DGKB: variants seen among roughly 807,000 people sequenced by gnomAD.
DGKB encodes diacylglycerol kinase beta, also known as 90 kDa diacylglycerol kinase.
A neutral mutation model predicts 114.3 loss-of-function variants in DGKB; 67 were observed. The observed-to-expected ratio is 0.59, with a 90% CI of 0.48 to 0.72. The LOEUF is 0.72. DGKB is among the 30% of genes least tolerant of loss of function. DGKB has a pLI of 0.00. For missense variants in DGKB, 907 were observed against 975.2 expected (o/e 0.93, Z 0.93); for synonymous variants, 398 against 323.1 (o/e 1.23, Z -2.49).
intron 23 of DGKB, among the ~76,000 whole-genome samples, chr7:14,307,105 G>A (rs1388535995): frequency 7.9e-6 from 1 of 125,932 alleles, no homozygotes; most frequent in Non-Finnish European, 1.8e-5. Flanking sequence ...ATTTCTATTT[G>A]AATCTACCAC....
intron 21 of DGKB, among the ~76,000 whole-genome samples, chr7:14,349,976 G>A (rs947864628): frequency 6.6e-6 from 1 of 152,008 alleles, no homozygotes; most frequent in African/African-American, 2.4e-5. Context: ...AGTAACAAAG[G>A]TTCTGTAAAC....
chr7:14,261,349 A>G (rs955674285), intron 23 of DGKB, among the ~76,000 whole-genome samples: 2 of 152,082 alleles, frequency 1.3e-5, no homozygotes, highest in African/African-American at 4.8e-5. Flanking sequence ...TTAATAATGT[A>G]TAGGTGGCCT....
At chr7:14,528,552 T>C (rs1791018570) in intron 20 of DGKB, among the ~76,000 whole-genome samples, 1 of 152,074 alleles carries the variant, frequency 6.6e-6, no homozygotes, top group Admixed American at 6.6e-5. Flanking sequence ...ACATAGTAAC[T>C]TGCAGCAGAA....
At chr7:14,466,279 C>T (rs975966449) in intron 21 of DGKB, among the ~76,000 whole-genome samples, 1 of 152,112 alleles carries the variant, frequency 6.6e-6, no homozygotes, top group Non-Finnish European at 1.5e-5. Flanking sequence ...AACATTAAGG[C>T]CAGGTGTGGT....
At chr7:14,919,789 G>A (rs544669533) in intron 1 of DGKB, among the ~76,000 whole-genome samples, 1 of 152,158 alleles carries the variant, frequency 6.6e-6, no homozygotes, top group Non-Finnish European at 1.5e-5. Flanking sequence ...CCTTCATGAT[G>A]AGTGAGTTCT....
chr7:14,770,460 A>G (rs1403715435), intron 2 of DGKB, among the ~76,000 whole-genome samples: 1 of 152,148 alleles, frequency 6.6e-6, no homozygotes, highest in African/African-American at 2.4e-5. Flanking sequence ...GGAGCAGTCC[A>G]GGGAGAGCAT....
chr7:14,238,632 G>GAC (rs1793181984), intron 23 of DGKB, among the ~76,000 whole-genome samples: 1 of 151,798 alleles, frequency 6.6e-6, no homozygotes, highest in African/African-American at 2.4e-5. Flanking sequence ...AATGGTACAG[G>GAC]ACAGAGGGTT....
In DGKB at chr7:14,149,017, C is replaced by T. The variant is rs965797272; in HGVS notation, c.*114G>A. 1.1e-6 allele frequency: 1 copy of T among 916,566 alleles called. No individual in the cohort carries two copies. Among genetic ancestry groups the T allele is most frequent in the African/African-American group, 1.7e-5 (1 of 60,220 alleles). The allele number at this position is 916,566 out of a possible 1,614,324, so 56.8% of individuals were successfully genotyped here. On this transcript the variant is annotated 3_prime_UTR_variant, in exon 26 of 26. Coordinates refer to ENST00000402815, the MANE Select transcript of DGKB (RefSeq NM_001350709.2). ...AGCTTAGTAACAAAAACTGTTAAACCACTTCCATGATTTTGCATGAGCAGG... is the reference window on the plus strand; with the variant it reads ...AGCTTAGTAACAAAAACTGTTAAACTACTTCCATGATTTTGCATGAGCAGG...
chr7:14,922,380 G>GTGTGTGTA (rs1784548504), intron 1 of DGKB, among the ~76,000 whole-genome samples: 2 of 87,004 alleles, frequency 2.3e-5, no homozygotes, highest in Admixed American at 1.3e-4. Flanking sequence ...TCCATCGTGT[G>GTGTGTGTA]TGTGTGTGTG....
intron 21 of DGKB, among the ~76,000 whole-genome samples, chr7:14,425,617 G>A (rs879812250): frequency 6.6e-6 from 1 of 152,118 alleles, no homozygotes; most frequent in Non-Finnish European, 1.5e-5. Context: ...GACATAAAGT[G>A]ACTGAAATAG....
intron 21 of DGKB, among the ~76,000 whole-genome samples, chr7:14,463,934 T>C (rs1833455027): frequency 6.6e-6 from 1 of 152,084 alleles, no homozygotes; most frequent in African/African-American, 2.4e-5. Context: ...ACACGTTAGG[T>C]TTACAACTGT....
At chr7:14,799,766 T>A (rs566049782) in intron 2 of DGKB, among the ~76,000 whole-genome samples, 1 of 152,284 alleles carries the variant, frequency 6.6e-6, no homozygotes, top group Non-Finnish European at 1.5e-5. Flanking sequence ...TTGCAGCAAG[T>A]ACAGGCTGCT....
chr7:14,927,830 C>T (rs1007921951), intron 1 of DGKB, among the ~76,000 whole-genome samples: 1 of 151,748 alleles, frequency 6.6e-6, no homozygotes, highest in Non-Finnish European at 1.5e-5. Context: ...TTTGCATCTT[C>T]TTTTTTCCTA....
At chr7:14,166,300 T>C (rs1446610638) in intron 25 of DGKB, among the ~76,000 whole-genome samples, 7 of 152,224 alleles carry the variant, frequency 4.6e-5, no homozygotes, top group African/African-American at 1.7e-4. Context: ...TGTCTCAAAC[T>C]GCTTAAATCT....
intron 21 of DGKB, among the ~76,000 whole-genome samples, chr7:14,371,560 A>T (rs1322297208): frequency 2.6e-5 from 4 of 152,158 alleles, no homozygotes; most frequent in African/African-American, 9.7e-5. Flanking sequence ...TGTTCAAAAT[A>T]TTAGACCTTT....
intron 23 of DGKB, among the ~76,000 whole-genome samples, chr7:14,298,280 G>C (rs969740590): frequency 1.3e-5 from 2 of 152,082 alleles, no homozygotes; most frequent in African/African-American, 4.8e-5. Context: ...AAAGCTGGAG[G>C]CATCACGCTA....
At chr7:14,394,383 A>G (rs546753517) in intron 21 of DGKB, among the ~76,000 whole-genome samples, 19 of 152,296 alleles carry the variant, frequency 1.2e-4, no homozygotes, top group African/African-American at 4.3e-4. Context: ...AGACCAGCTC[A>G]TCCTCATATA....
intron 13 of DGKB, among the ~76,000 whole-genome samples, chr7:14,669,755 C>T (rs764425162): frequency 1.7e-4 from 26 of 152,064 alleles, no homozygotes; most frequent in African/African-American, 6.3e-4. Context: ...AAAATGGAAA[C>T]CAAACTTTAG....
chr7:14,148,347 A>ATAGT lies in DGKB; in HGVS notation c.*780_*783dup, dbSNP rs1157966501. ...GGTGGGAAACACATTGATTAGGCAC[A>ATAGT]TAGTTTAAAACTTCTATTTCGTTAT... On this transcript the variant is annotated 3_prime_UTR_variant, in exon 26 of 26. Coordinates refer to ENST00000402815, the MANE Select transcript of DGKB (RefSeq NM_001350709.2). The ATAGT allele has an allele frequency of 6.6e-6, 1 of 152,608 alleles. No individual in the cohort carries two copies. The highest frequency in any genetic ancestry group is 6.6e-5 in the Admixed American group (1 of 15,260). The allele number at this position is 152,608 out of a possible 1,614,324, so 9.5% of individuals were successfully genotyped here.
Sources: allele counts gnomAD v4.1 joint callset (sites outside exome capture counted in the v4.1 genomes callset), GRCh38; gene constraint gnomAD v4.1.1; transcripts MANE v1.5; gene names NCBI Gene and HGNC (gene_info 2026-07-23, HGNC 2026-07-21).